The following GAS7 variants were observed in gnomAD, a reference collection of about 807,000 sequenced individuals.
GAS7 encodes growth arrest-specific protein 7.
Under a neutral mutation model 71.1 loss-of-function variants are expected in GAS7, and 28 were observed. That is an observed-to-expected ratio of 0.39 (90% CI 0.29 to 0.54). The LOEUF (loss-of-function observed/expected upper bound fraction) is 0.54. GAS7 is among the 20% of genes least tolerant of loss of function. The pLI, the probability that GAS7 is intolerant of heterozygous loss-of-function variation, is 0.62. For synonymous variants in GAS7, 258 were observed against 245.8 expected (o/e 1.05, Z -0.46); for missense variants, 436 against 627.8 (o/e 0.69, Z 3.27).
chr17:10,150,404 A>C (rs200935090), intron 1 of GAS7, among the ~76,000 whole-genome samples: 1 of 51,990 alleles, frequency 1.9e-5, no homozygotes. Context: ...TCTTTCTCTC[A>C]ACTGGTTAAG....
chr17:9,931,027 T>C (rs12451959), intron 9 of GAS7, among the ~76,000 whole-genome samples: 5,768 of 152,298 alleles, frequency 0.038, 293 homozygotes, highest in African/African-American at 0.093. Flanking sequence ...CAGTCTGCAG[T>C]AGCCCATTGG....
chr17:10,012,927 C>G lies in GAS7; in HGVS notation c.304+6850G>C, dbSNP rs549951521. Among the ~76,000 whole-genome samples the G allele has an allele frequency of 6.6e-5, 10 of 151,870 alleles. No individual in the cohort carries two copies. In the South Asian group the frequency reaches 2.1e-3, roughly 32 times the overall value. ...ACCATCCTGGCTAACACTGTGAAACCCCGTCTCTACTAAAAAATACAAAAA... is the reference window on the plus strand; with the variant it reads ...ACCATCCTGGCTAACACTGTGAAACGCCGTCTCTACTAAAAAATACAAAAA... On this transcript the variant is annotated intron_variant, in intron 2 of 13. Coordinates refer to ENST00000432992, the MANE Select transcript of GAS7 (RefSeq NM_201433.2).
chr17:10,011,857 T>C (rs764340991), intron 2 of GAS7, among the ~76,000 whole-genome samples: 16 of 151,856 alleles, frequency 1.1e-4, no homozygotes, highest in Non-Finnish European at 2.1e-4. Flanking sequence ...ATGCCTGTGG[T>C]CCCAGCTACT....
chr17:9,996,691 T>C (rs1272633637), intron 2 of GAS7, among the ~76,000 whole-genome samples: 2 of 151,842 alleles, frequency 1.3e-5, no homozygotes, highest in South Asian at 2.1e-4. Flanking sequence ...CAGGCTGAAG[T>C]ACAGTGGCGT....
intron 1 of GAS7, among the ~76,000 whole-genome samples, chr17:10,051,094 C>T (rs2073055842): frequency 6.6e-6 from 1 of 152,214 alleles, no homozygotes; most frequent in South Asian, 2.1e-4. Context: ...ATAACCCTGG[C>T]CAAGGCACTT....
chr17:10,072,243 G>A (rs150995790), intron 1 of GAS7, among the ~76,000 whole-genome samples: 85 of 152,212 alleles, frequency 5.6e-4, no homozygotes, highest in African/African-American at 1.7e-3. Flanking sequence ...ATTACCTGCC[G>A]GGCCCAGACA....
Position 9,974,056 on chromosome 17 carries a change from C to CG in GAS7, c.386-4295dup, listed in dbSNP as rs1213775493. 1.3e-5 allele frequency among the ~76,000 whole-genome samples: 2 copies of CG among 152,128 alleles called. No homozygotes were observed. Among genetic ancestry groups the CG allele is most frequent in the Non-Finnish European group, 2.9e-5 (2 of 68,036 alleles). On this transcript the variant is annotated intron_variant, in intron 3 of 13. Transcript: ENST00000432992. The surrounding 1 kb of genome is among the most constrained non-coding windows in gnomAD (Gnocchi z 4.0). ...CCCAGTCTTTCCCCACACTTGCAGC[C>CG]GCCAGGAACTGTCTAAAGAGGAGAC...
intron 1 of GAS7, among the ~76,000 whole-genome samples, chr17:10,106,017 C>T: frequency 6.6e-6 from 1 of 152,190 alleles, no homozygotes; most frequent in East Asian, 1.9e-4. Context: ...CCTTTATCCT[C>T]TCCTCCTGGG....
chr17:10,041,034 C>T (rs564563948), intron 1 of GAS7, among the ~76,000 whole-genome samples: 8 of 151,848 alleles, frequency 5.3e-5, no homozygotes, highest in South Asian at 2.1e-4. Context: ...TGGTGGTGTG[C>T]GCCTGTAATC....
Position 9,919,495 on chromosome 17 carries a change from A to T in GAS7, c.1218+131T>A. On this transcript the variant is annotated intron_variant, in intron 12 of 13. Coordinates refer to ENST00000432992, the MANE Select transcript of GAS7 (RefSeq NM_201433.2). This position sits in a 1 kb window ranked among gnomAD's most constrained non-coding sequence, Gnocchi z 5.0. ...GGCTCACATTGAGGTTTCGACCCCAACACTGAAGTAGATTTGATGACCATC... is the reference window on the plus strand; with the variant it reads ...GGCTCACATTGAGGTTTCGACCCCATCACTGAAGTAGATTTGATGACCATC... 2 of 757,260 alleles carry T rather than the reference A, an allele frequency of 2.6e-6. No individual in the cohort carries two copies. Among genetic ancestry groups the T allele is most frequent in the Non-Finnish European group, 4.8e-6 (2 of 414,996 alleles). 46.9% of individuals were successfully genotyped at this position (757,260 alleles called of 1,614,324 possible). A position where few individuals can be genotyped will look rare whatever the true frequency, so the allele number is the denominator to read the frequency against.
chr17:9,999,859 G>GAAGGAAAT (rs138009472), intron 2 of GAS7, among the ~76,000 whole-genome samples: 4,566 of 152,194 alleles, frequency 0.03, 213 homozygotes, highest in African/African-American at 0.1. Flanking sequence ...TCTTATAGTT[G>GAAGGAAAT]AAGGAAATAA....
rs1480272065 is a variant in GAS7 at position 10,159,062 on chromosome 17, A to G, written c.183+39146T>C. Among the ~76,000 whole-genome samples the G allele has an allele frequency of 3.6e-3, 319 of 89,000 alleles. 28 individuals are homozygous for G. The highest frequency in any genetic ancestry group is 0.013 in the African/African-American group (308 of 23,208). The allele number at this position is 89,000 out of a possible 152,430, so 58.4% of individuals were successfully genotyped here. A position where few individuals can be genotyped will look rare whatever the true frequency, so the allele number is the denominator to read the frequency against. On this transcript the variant is annotated intron_variant, in intron 1 of 13. Transcript: ENST00000432992. ...ACAACAGAGTGAGACACTGTCTCTAAAACATATATATATATATATATATAT... is the reference window on the plus strand; with the variant it reads ...ACAACAGAGTGAGACACTGTCTCTAGAACATATATATATATATATATATAT...
intron 11 of GAS7, among the ~76,000 whole-genome samples, chr17:9,922,972 G>A (rs919142673): frequency 6.6e-6 from 1 of 152,070 alleles, no homozygotes; most frequent in Non-Finnish European, 1.5e-5. Context: ...GCAGTGCTGC[G>A]ATCTCAGCTC....
chr17:10,132,626 G>T (rs1369291022), intron 1 of GAS7, among the ~76,000 whole-genome samples: 1 of 152,044 alleles, frequency 6.6e-6, no homozygotes, highest in Non-Finnish European at 1.5e-5. Flanking sequence ...AAATTATCCG[G>T]GTATGGTGGT....
chr17:10,130,650 C>T (rs1327797672), intron 1 of GAS7, among the ~76,000 whole-genome samples: 1 of 152,162 alleles, frequency 6.6e-6, no homozygotes, highest in Non-Finnish European at 1.5e-5. Context: ...CTATCCAAAC[C>T]AATGAACCAT....
intron 1 of GAS7, among the ~76,000 whole-genome samples, chr17:10,134,376 G>A (rs2074022661): frequency 6.6e-6 from 1 of 152,102 alleles, no homozygotes; most frequent in Non-Finnish European, 1.5e-5. Context: ...TTGTGAACAG[G>A]ACTCAATGAA....
At position 10,103,421 on chromosome 17, in the gene GAS7, T is replaced by G. The variant is rs2073725680; in HGVS notation, c.184-83524A>C. ...AATTTGAGAAGCACAGCTCATGCCA[T>G]CTAGCGACCCTACTCTAGCTGCCCA... On this transcript the variant is annotated intron_variant, in intron 1 of 13. Coordinates refer to ENST00000432992, the MANE Select transcript of GAS7 (RefSeq NM_201433.2). The surrounding 1 kb of genome is among the most constrained non-coding windows in gnomAD (Gnocchi z 5.5). Among the ~76,000 whole-genome samples the G allele has an allele frequency of 6.6e-6, 1 of 152,150 alleles. No individual in the cohort carries two copies. The highest frequency in any genetic ancestry group is 6.6e-5 in the Admixed American group (1 of 15,262).
At chr17:10,113,283 T>C (rs1464005881) in intron 1 of GAS7, among the ~76,000 whole-genome samples, 1 of 152,230 alleles carries the variant, frequency 6.6e-6, no homozygotes, top group Non-Finnish European at 1.5e-5. Context: ...TGGCCCTTTC[T>C]GTCAAAACTA....
chr17:10,156,982 T>C (rs147241749), intron 1 of GAS7, among the ~76,000 whole-genome samples: 2 of 152,208 alleles, frequency 1.3e-5, no homozygotes, highest in East Asian at 3.9e-4. Context: ...CCAAAGTATT[T>C]TGGTGACCAC....
Sources: allele counts gnomAD v4.1 joint callset (sites outside exome capture counted in the v4.1 genomes callset), GRCh38; gene constraint gnomAD v4.1.1; non-coding constraint Gnocchi (gnomAD v3.1); transcripts MANE v1.5; gene names NCBI Gene and HGNC (gene_info 2026-07-23, HGNC 2026-07-21).